Variants in LRP1B observed in about 807,000 individuals in gnomAD.
The protein encoded by LRP1B is low-density lipoprotein receptor-related protein 1B.
Under a neutral mutation model 556.6 loss-of-function variants are expected in LRP1B, and 217 were observed. The ratio of observed to expected loss-of-function variants is 0.39; its 90% CI spans 0.35 to 0.44. The LOEUF (loss-of-function observed/expected upper bound fraction) is 0.44. Among genes scored for constraint, LRP1B ranks in the 20% least tolerant of loss-of-function variants. The pLI is 1.00. For missense variants in LRP1B, 5,053 were observed against 5,620.8 expected (o/e 0.90, Z 3.23); for synonymous variants, 2,047 against 1,865.8 (o/e 1.10, Z -2.50).
chr2:142,029,898 A>T (rs1018479723), intron 1 of LRP1B, among the ~76,000 whole-genome samples: 42 of 151,964 alleles, frequency 2.8e-4, no homozygotes, highest in African/African-American at 9.9e-4. Flanking sequence ...AAGATTAAAG[A>T]GGTTTAATGC....
intron 66 of LRP1B, among the ~76,000 whole-genome samples, chr2:140,423,174 T>A (rs535377924): frequency 1.3e-5 from 2 of 152,276 alleles, no homozygotes; most frequent in Non-Finnish European, 2.9e-5. Context: ...CGTTAGCCAA[T>A]AGAATCCCAT....
intron 23 of LRP1B, 51 bp downstream of exon 23, chr2:140,902,869 C>A (rs373770142): frequency 1.9e-6 from 3 of 1,573,308 alleles, no homozygotes; most frequent in African/African-American, 1.4e-5. Context: ...GGATTTGTTT[C>A]TTTCAAGATC....
intron 3 of LRP1B, among the ~76,000 whole-genome samples, chr2:141,356,403 A>G (rs1688628315): frequency 6.6e-6 from 1 of 152,028 alleles, no homozygotes; most frequent in South Asian, 2.1e-4. Flanking sequence ...TAATATGATA[A>G]CTCAGGTAAT....
At chr2:140,885,971 C>T (rs1693626853) in intron 24 of LRP1B, among the ~76,000 whole-genome samples, 167 bp downstream of exon 24, 1 of 151,840 alleles carries the variant, frequency 6.6e-6, no homozygotes, top group South Asian at 2.1e-4. Flanking sequence ...CTGCCCCCAA[C>T]AGGTGCTCAC....
chr2:141,297,641 C>A (rs968848263), intron 3 of LRP1B, among the ~76,000 whole-genome samples: 3 of 152,220 alleles, frequency 2.0e-5, no homozygotes, highest in South Asian at 2.1e-4. Context: ...AAAATCCTGA[C>A]CTTTTTCAGT....
intron 60 of LRP1B, among the ~76,000 whole-genome samples, chr2:140,463,736 C>T (rs1355422874): frequency 6.6e-6 from 1 of 152,088 alleles, no homozygotes; most frequent in Non-Finnish European, 1.5e-5. Flanking sequence ...TAGTATAGGT[C>T]ACAGTGCAGG....
chr2:141,281,045 C>G (rs1044180241), intron 3 of LRP1B, among the ~76,000 whole-genome samples: 5 of 151,846 alleles, frequency 3.3e-5, no homozygotes, highest in Non-Finnish European at 7.4e-5. Flanking sequence ...CTAGACAGGC[C>G]TTATCAAATA....
intron 1 of LRP1B, among the ~76,000 whole-genome samples, chr2:141,873,989 G>GAGGTATGC (rs1358570176): frequency 1.3e-5 from 2 of 150,110 alleles, no homozygotes; most frequent in Admixed American, 6.7e-5. Flanking sequence ...ACACCATCAA[G>GAGGTATGC]AGGTATGCAT....
chr2:140,666,810 T>C (rs1028899300), intron 41 of LRP1B, among the ~76,000 whole-genome samples: 7 of 152,228 alleles, frequency 4.6e-5, no homozygotes, highest in African/African-American at 1.7e-4. Context: ...GGTTTTGAGA[T>C]GCATACGGGA....
At chr2:141,789,928 G>A (rs75217193) in intron 2 of LRP1B, among the ~76,000 whole-genome samples, 1,637 of 151,972 alleles carry the variant, frequency 0.011, 36 homozygotes, top group African/African-American at 0.038. Flanking sequence ...CTTAACCAGC[G>A]TCGATATGTT....
At chr2:140,714,533 G>T (rs1687144493) in intron 37 of LRP1B, among the ~76,000 whole-genome samples, 1 of 152,126 alleles carries the variant, frequency 6.6e-6, no homozygotes, top group South Asian at 2.1e-4. Flanking sequence ...AAATTAAGCT[G>T]TATGAATCTA....
chr2:141,052,028 C>A (rs1699050401), intron 10 of LRP1B, among the ~76,000 whole-genome samples: 1 of 151,832 alleles, frequency 6.6e-6, no homozygotes, highest in African/African-American at 2.4e-5. Context: ...AGCCTTGTTT[C>A]TATTTGATAT....
intron 6 of LRP1B, among the ~76,000 whole-genome samples, chr2:141,200,343 A>G (rs982802906): frequency 6.6e-6 from 1 of 152,156 alleles, no homozygotes; most frequent in Non-Finnish European, 1.5e-5. Context: ...ATGAGAACAC[A>G]TGGACACATG....
At chr2:140,594,923 A>G (rs570559405) in intron 43 of LRP1B, among the ~76,000 whole-genome samples, 2 of 151,546 alleles carry the variant, frequency 1.3e-5, no homozygotes, top group Non-Finnish European at 2.9e-5. Context: ...GAATCCTTCA[A>G]TCTTCGTAAC....
intron 60 of LRP1B, among the ~76,000 whole-genome samples, chr2:140,466,291 A>T (rs1422515969): frequency 6.6e-6 from 1 of 152,008 alleles, no homozygotes; most frequent in Non-Finnish European, 1.5e-5. Flanking sequence ...ATTTCATGCC[A>T]TTTCACCAGT....
intron 1 of LRP1B, among the ~76,000 whole-genome samples, chr2:142,082,112 T>C (rs1219620437): frequency 6.6e-6 from 1 of 152,188 alleles, no homozygotes; most frequent in African/African-American, 2.4e-5. Context: ...AAGTATAAAG[T>C]CTGAAAGTTT....
At chr2:140,428,321 C>A (rs146574775) in intron 66 of LRP1B, among the ~76,000 whole-genome samples, 1 of 152,138 alleles carries the variant, frequency 6.6e-6, no homozygotes. Context: ...GCGAGACAAA[C>A]CCCAGCCACA....
intron 20 of LRP1B, among the ~76,000 whole-genome samples, chr2:140,934,886 A>G (rs1196757752): frequency 6.6e-6 from 1 of 152,150 alleles, no homozygotes; most frequent in African/African-American, 2.4e-5. Flanking sequence ...GATATAAAAG[A>G]CTAGGATGTT....
chr2:141,161,814 T>C (rs1680045988), intron 7 of LRP1B, among the ~76,000 whole-genome samples: 2 of 152,080 alleles, frequency 1.3e-5, no homozygotes, highest in Admixed American at 1.3e-4. Context: ...GCTCACTATA[T>C]GCACAGCACC....
Sources: gnomAD v4.1 joint callset for allele counts (sites outside exome capture counted in the v4.1 genomes callset) on GRCh38, gnomAD v4.1.1 for gene constraint, MANE v1.5 for transcripts, NCBI Gene and HGNC (gene_info 2026-07-23, HGNC 2026-07-21) for gene names.